Variants in ATRNL1 observed in about 807,000 individuals in gnomAD.
ATRNL1 encodes the protein attractin-like protein 1.
A neutral mutation model predicts 182.7 loss-of-function variants in ATRNL1; 95 were observed. The ratio of observed to expected loss-of-function variants is 0.52; its 90% CI spans 0.44 to 0.62. The LOEUF is 0.62. Among genes scored for constraint, ATRNL1 ranks in the 20% least tolerant of loss-of-function variants. ATRNL1 has a pLI of 0.00. For missense variants in ATRNL1, 1,471 were observed against 1,679.5 expected, an observed-to-expected ratio of 0.88 and a Z score of 2.17; for synonymous variants, 576 against 568.3, an observed-to-expected ratio of 1.01 and a Z score of -0.19.
chr10:115,787,441 A>G (rs948228029), intron 27 of ATRNL1, among the ~76,000 whole-genome samples: 1 of 152,028 alleles, frequency 6.6e-6, no homozygotes, highest in Non-Finnish European at 1.5e-5. Context: ...AGATATGTCT[A>G]TTTTATCATT....
intron 26 of ATRNL1, among the ~76,000 whole-genome samples, chr10:115,635,298 C>T (rs1314811844): frequency 1.4e-5 from 2 of 146,526 alleles, no homozygotes; most frequent in African/African-American, 5.0e-5. Flanking sequence ...AAGATAGAGA[C>T]AACAGAGTGG....
chr10:115,433,846 C>G (rs1375187092), intron 21 of ATRNL1, among the ~76,000 whole-genome samples: 1 of 152,014 alleles, frequency 6.6e-6, no homozygotes, highest in Non-Finnish European at 1.5e-5. Flanking sequence ...CATAGACTCA[C>G]TGTAAAAAAT....
chr10:115,469,165 A>AC lies in ATRNL1; in HGVS notation c.3497-7_3497-6insC, dbSNP rs1565076437. The stretch of plus-strand genomic sequence containing the variant: ...AATATTAATTATTTAAATTATTTAC[A>AC]TTTTAGCTGGAACAATATCTGGGGA... On this transcript the variant is annotated splice_region_variant and splice_polypyrimidine_tract_variant and intron_variant, in intron 23 of 28. Transcript: ENST00000355044. 9.0e-7 allele frequency: 1 copy of AC among 1,109,872 alleles called. No individual in the cohort carries two copies. Among genetic ancestry groups the AC allele is most frequent in the Admixed American group, 3.0e-5 (1 of 32,974 alleles). 68.8% of individuals were successfully genotyped at this position (1,109,872 alleles called of 1,614,324 possible).
At chr10:115,351,179 T>C (rs1459454449) in intron 19 of ATRNL1, among the ~76,000 whole-genome samples, 3 of 152,190 alleles carry the variant, frequency 2.0e-5, no homozygotes, top group African/African-American at 7.2e-5. Flanking sequence ...TATAAGATCA[T>C]ATCATCTGTA....
intron 27 of ATRNL1, among the ~76,000 whole-genome samples, chr10:115,792,928 G>A (rs1489521710): frequency 6.6e-6 from 1 of 151,908 alleles, no homozygotes; most frequent in Non-Finnish European, 1.5e-5. Context: ...AGCTTCAGTG[G>A]CAGACTGATC....
intron 28 of ATRNL1, among the ~76,000 whole-genome samples, chr10:115,885,179 TTG>T (rs1555109461): frequency 6.6e-6 from 1 of 152,214 alleles, no homozygotes; most frequent in African/African-American, 2.4e-5. Flanking sequence ...TATGTAAAAT[TTG>T]TGTCTTATCA....
At chr10:115,770,748 T>C (rs1555076174) in intron 27 of ATRNL1, among the ~76,000 whole-genome samples, 1 of 152,148 alleles carries the variant, frequency 6.6e-6, no homozygotes, top group East Asian at 1.9e-4. Context: ...TCTGGTAACA[T>C]CAGTTGGTAA....
At position 115,945,009 on chromosome 10, in the gene ATRNL1, A is replaced by G; in HGVS notation, c.*230A>G. ...CAGTTTTTACCACTATCTTAGGCTT[A>G]TTATAGCTAACATTAAATTACTCTG... is the stretch of plus-strand genomic sequence containing the variant. On this transcript the variant is annotated 3_prime_UTR_variant, in exon 29 of 29. Coordinates refer to ENST00000355044, the MANE Select transcript of ATRNL1 (RefSeq NM_207303.4). The G allele has an allele frequency of 3.0e-6, 1 of 336,094 alleles. No individual in the cohort carries two copies. The allele number at this position is 336,094 out of a possible 1,614,324, so 20.8% of individuals were successfully genotyped here.
chr10:115,181,733 T>C (rs1554887854), intron 8 of ATRNL1, among the ~76,000 whole-genome samples: 1 of 151,750 alleles, frequency 6.6e-6, no homozygotes, highest in African/African-American at 2.4e-5. Flanking sequence ...CTGTCATCCT[T>C]TAGTTGTATT....
chr10:115,121,280 T>A (rs563110936), intron 2 of ATRNL1, among the ~76,000 whole-genome samples: 1 of 152,256 alleles, frequency 6.6e-6, no homozygotes, highest in Admixed American at 6.5e-5. Context: ...GCGCAGCTAA[T>A]TTTTGTATTT....
chr10:115,920,893 T>C (rs1555118559), intron 28 of ATRNL1, among the ~76,000 whole-genome samples: 2 of 152,342 alleles, frequency 1.3e-5, no homozygotes, highest in Non-Finnish European at 1.5e-5. Context: ...CAGCACTTAT[T>C]TCTATAACTA....
chr10:115,556,529 A>G (rs910616649), intron 26 of ATRNL1, among the ~76,000 whole-genome samples: 1 of 152,198 alleles, frequency 6.6e-6, no homozygotes, highest in Non-Finnish European at 1.5e-5. Context: ...AGCAGTGATT[A>G]TATAATGTCA....
chr10:115,606,632 T>C (rs1305287499), intron 26 of ATRNL1, among the ~76,000 whole-genome samples: 3 of 152,058 alleles, frequency 2.0e-5, no homozygotes, highest in Non-Finnish European at 4.4e-5. Flanking sequence ...AAAAGATCTT[T>C]GTCATGAATT....
chr10:115,787,006 T>C (rs1191986217), intron 27 of ATRNL1, among the ~76,000 whole-genome samples: 2 of 152,222 alleles, frequency 1.3e-5, no homozygotes, highest in Non-Finnish European at 2.9e-5. Flanking sequence ...TAAATAATAA[T>C]CTTTGTTTTT....
intron 19 of ATRNL1, among the ~76,000 whole-genome samples, chr10:115,365,828 A>G (rs1260183776): frequency 5.7e-4 from 87 of 152,182 alleles, no homozygotes; most frequent in African/African-American, 2.0e-3. Context: ...TAGTTGAGCG[A>G]TTTTGAGTGA....
intron 28 of ATRNL1, among the ~76,000 whole-genome samples, chr10:115,917,469 C>CAAAAA (rs782543961): frequency 7.3e-5 from 7 of 95,342 alleles, no homozygotes; most frequent in Admixed American, 1.3e-4. Flanking sequence ...GACTCTGTCT[C>CAAAAA]AAAAAAAAAA....
chr10:115,398,379 A>G (rs1299804784), intron 20 of ATRNL1, among the ~76,000 whole-genome samples: 1 of 151,912 alleles, frequency 6.6e-6, no homozygotes, highest in Non-Finnish European at 1.5e-5. Context: ...CATTTGTGTC[A>G]TCTCTGATTT....
chr10:115,145,768 C>G (rs1211984036), intron 5 of ATRNL1, among the ~76,000 whole-genome samples: 2 of 152,136 alleles, frequency 1.3e-5, no homozygotes, highest in Admixed American at 6.5e-5. Context: ...CCCTCTTGCT[C>G]TTAAAATCTT....
In ATRNL1 at chr10:115,202,164, A is replaced by G. The variant is rs540392191; in HGVS notation, c.1349-13533A>G. On this transcript the variant is annotated intron_variant, in intron 8 of 28. Coordinates refer to ENST00000355044, the MANE Select transcript of ATRNL1 (RefSeq NM_207303.4). ...AATGGGGTTTTCTAGATATACAATCATGTCATCTGCAAACAGGGACAATTT... is the reference window on the plus strand; with the variant it reads ...AATGGGGTTTTCTAGATATACAATCGTGTCATCTGCAAACAGGGACAATTT... 5.9e-5 allele frequency among the ~76,000 whole-genome samples: 9 copies of G among 152,256 alleles called. No homozygotes were observed. The East Asian group carries it at 1.5e-3, about 26-fold the overall frequency.
Sources: gnomAD v4.1 joint callset for allele counts (sites outside exome capture counted in the v4.1 genomes callset) on GRCh38, gnomAD v4.1.1 for gene constraint, MANE v1.5 for transcripts, NCBI Gene and HGNC (gene_info 2026-07-23, HGNC 2026-07-21) for gene names.